The following NPEPL1 variants were observed in gnomAD, a reference collection of about 807,000 sequenced individuals.
NPEPL1 encodes probable aminopeptidase NPEPL1.
A neutral mutation model predicts 52.4 loss-of-function variants in NPEPL1; 45 were observed. The ratio of observed to expected loss-of-function variants is 0.86; its 90% CI spans 0.68 to 1.10. NPEPL1 has a LOEUF of 1.10. Ranked by LOEUF, NPEPL1 falls within the 50% of genes least tolerant of loss-of-function variation. The pLI is 0.00. For synonymous variants in NPEPL1, 360 were observed against 314.7 expected, an observed-to-expected ratio of 1.14 and a Z score of -1.52; for missense variants, 696 against 710.9, an observed-to-expected ratio of 0.98 and a Z score of 0.24.
chr20:58,709,356 C>T (rs996052840), intron 7 of NPEPL1, among the ~76,000 whole-genome samples: 2 of 152,212 alleles, frequency 1.3e-5, no homozygotes, highest in African/African-American at 4.8e-5. Flanking sequence ...ATAAAATCAG[C>T]ATCCACGTGT....
chr20:58,707,261 CT>C, intron 7 of NPEPL1, 61 bp downstream of exon 7: 1 of 1,413,578 alleles, frequency 7.1e-7, no homozygotes, highest in Non-Finnish European at 9.6e-7. Flanking sequence ...GGGTGCTCCC[CT>C]CTCCCCTGTC....
intron 3 of NPEPL1, among the ~76,000 whole-genome samples, chr20:58,696,129 A>G (rs1381465547): frequency 6.6e-6 from 1 of 152,202 alleles, no homozygotes; most frequent in Non-Finnish European, 1.5e-5. Flanking sequence ...GGGCTCAAGC[A>G]TCACCCTTAT....
chr20:58,699,264 C>T lies in NPEPL1; in HGVS notation c.665C>T (p.Thr222Met), dbSNP rs1315496321. The change falls in exon 5 of 12, where the codon ACG (threonine) becomes ATG (methionine). Residue 222 changes from threonine to methionine, a missense_variant. Transcript: ENST00000356091. ...ATCATCCGGGATGAGGAACTGAAGA[C>T]GAGAGGATTTGGAGGTGGGTGGGGG... ...PTIIRDEELK[T>M]RGFGGIYGVG... 7 of 1,606,404 alleles carry T rather than the reference C, an allele frequency of 4.4e-6. No individual in the cohort carries two copies. Among genetic ancestry groups the T allele is most frequent in the Admixed American group, 1.7e-5 (1 of 59,072 alleles).
intron 6 of NPEPL1, among the ~76,000 whole-genome samples, chr20:58,704,599 A>G (rs1418587724): frequency 6.6e-6 from 1 of 152,232 alleles, no homozygotes; most frequent in Non-Finnish European, 1.5e-5. Context: ...ATTGTTGTAC[A>G]TTTTCACAAA....
chr20:58,711,099 T>TCCTCCTCCCCC (rs1196422897), intron 7 of NPEPL1: 5 of 36,546 alleles, frequency 1.4e-4, no homozygotes, highest in South Asian at 9.4e-4. Flanking sequence ...CCTCTCCTCC[T>TCCTCCTCCCCC]CCTCCTCCCC....
At chr20:58,704,295 A>C in intron 6 of NPEPL1, 1 of 985,406 alleles carries the variant, frequency 1.0e-6, no homozygotes, top group Non-Finnish European at 1.2e-6. Flanking sequence ...AAGAAAAAAA[A>C]AATCACAGCT....
chr20:58,705,568 G>GT, intron 6 of NPEPL1: 1 of 456,162 alleles, frequency 2.2e-6, no homozygotes, highest in Non-Finnish European at 4.4e-6. Context: ...AGCACAGGGG[G>GT]TGTAAGTGTC....
chr20:58,711,956 TC>T (rs869184212), intron 7 of NPEPL1, among the ~76,000 whole-genome samples: 1 of 99,174 alleles, frequency 1.0e-5, no homozygotes, highest in East Asian at 3.4e-4. Context: ...CGCTTCGGGG[TC>T]AGGGGGCACC....
upstream of NPEPL1, chr20:58,691,886 C>A: frequency 9.4e-7 from 1 of 1,063,748 alleles, no homozygotes; most frequent in Non-Finnish European, 1.4e-6. Context: ...AATGCATCGT[C>A]ATTCCCTGAC....
chr20:58,699,370 T>C (rs1478873269), intron 5 of NPEPL1, 92 bp downstream of exon 5: 2 of 915,898 alleles, frequency 2.2e-6, no homozygotes, highest in Non-Finnish European at 3.3e-6. Flanking sequence ...CATGGCACAT[T>C]GTCCCAAACT....
intron 6 of NPEPL1, among the ~76,000 whole-genome samples, chr20:58,701,379 G>A (rs913784208): frequency 6.8e-6 from 1 of 147,302 alleles, no homozygotes; most frequent in Non-Finnish European, 1.5e-5. Flanking sequence ...CCCTGGGGGG[G>A]GGGGAGGGGC....
upstream of NPEPL1, chr20:58,691,974 C>T (rs1054068734): frequency 7.6e-6 from 5 of 658,760 alleles, no homozygotes; most frequent in African/African-American, 3.6e-5. Context: ...CTCCACCACC[C>T]GGCTCCTGCC....
At chr20:58,711,768 T>C (rs1468247080) in intron 7 of NPEPL1, 1 of 152,472 alleles carries the variant, frequency 6.6e-6, no homozygotes, top group African/African-American at 2.4e-5. Context: ...AAGAGTCGGC[T>C]GTTCCAGGAG....
At chr20:58,695,046 A>AGTGCTGG (rs2084441625) in intron 3 of NPEPL1, among the ~76,000 whole-genome samples, 13 of 8,122 alleles carry the variant, frequency 1.6e-3, no homozygotes, top group Admixed American at 2.1e-3. Flanking sequence ...GTTGCTGTGT[A>AGTGCTGG]TGTTTGCTGG....
intron 3 of NPEPL1, 103 bp from the exon 4 acceptor site, chr20:58,698,581 T>G (rs571251329): frequency 3.9e-5 from 35 of 902,610 alleles, no homozygotes; most frequent in Middle Eastern, 2.1e-4. Context: ...TCAGTAGCCC[T>G]GTGGGTGATG....
At chr20:58,703,518 C>T (rs2084677076) in intron 6 of NPEPL1, 2 of 985,180 alleles carry the variant, frequency 2.0e-6, no homozygotes, top group Admixed American at 6.2e-5. Flanking sequence ...TACATTCTGG[C>T]TGGTAGAGTC....
intron 6 of NPEPL1, among the ~76,000 whole-genome samples, chr20:58,703,013 G>A (rs964568652): frequency 6.6e-6 from 1 of 152,290 alleles, no homozygotes. Context: ...CCGCGTCTTC[G>A]TTTTGACCAT....
In NPEPL1 at chr20:58,693,901, C is replaced by T. The variant is rs370129350; in HGVS notation, c.315C>T (p.Pro105=). Residue 105 remains proline (P), a synonymous_variant, in exon 2 of 12, where the codon CCC becomes CCT. Coordinates refer to ENST00000356091, the MANE Select transcript of NPEPL1 (RefSeq NM_024663.4). ...GGCTGGTGCGGACCTGCCTGCCGCC[C>T]GGAGCGCATCGCTGCATTGTGGTGA... The part of the protein sequence containing the change: ...ITRLVRTCLP[P]GAHRCIVMVC... The T allele has an allele frequency of 6.8e-6, 11 of 1,607,260 alleles. No homozygotes were observed. Among genetic ancestry groups the T allele is most frequent in the Non-Finnish European group, 6.8e-6 (8 of 1,176,750 alleles).
intron 1 of NPEPL1, 169 bp from the exon 2 acceptor site, chr20:58,693,568 C>T (rs2084399372): frequency 5.1e-6 from 3 of 592,134 alleles, no homozygotes; most frequent in Middle Eastern, 3.8e-4. Context: ...ACAGTTAGCT[C>T]TGCAGAGAGG....
Sources: gnomAD v4.1 joint callset for allele counts (sites outside exome capture counted in the v4.1 genomes callset) on GRCh38, gnomAD v4.1.1 for gene constraint, MANE v1.5 for transcripts, NCBI Gene and HGNC (gene_info 2026-07-23, HGNC 2026-07-21) for gene names.